The following WDPCP variants were observed in gnomAD, a reference collection of about 807,000 sequenced individuals.
The protein encoded by WDPCP is WD repeat-containing and planar cell polarity effector protein fritz homolog.
Under a neutral mutation model 93.1 loss-of-function variants are expected in WDPCP, and 71 were observed. The ratio of observed to expected loss-of-function variants is 0.76; its 90% CI spans 0.63 to 0.93. The LOEUF (loss-of-function observed/expected upper bound fraction) is 0.93. Ranked by LOEUF, WDPCP falls within the 40% of genes least tolerant of loss-of-function variation. The probability of loss-of-function intolerance (pLI) is 0.00; values close to 1 mark genes in which losing one functional copy is unlikely to be tolerated. For synonymous variants in WDPCP, 315 were observed against 315.0 expected (o/e 1.00, Z 0.00); for missense variants, 844 against 887.4 (o/e 0.95, Z 0.62).
In WDPCP at chr2:63,492,411, C is replaced by T. The variant is rs370177514; in HGVS notation, c.160+445G>A. ...AGAAATGCCTTTACCATTAGCTATCCTGTAAATATTTATGAATATAAATCT... is the reference window on the plus strand; with the variant it reads ...AGAAATGCCTTTACCATTAGCTATCTTGTAAATATTTATGAATATAAATCT... On this transcript the variant is annotated intron_variant, in intron 2 of 17. Transcript: ENST00000272321. Among the ~76,000 whole-genome samples the T allele has an allele frequency of 9.3e-5, 14 of 151,226 alleles. No individual in the cohort carries two copies. The South Asian group carries it at 1.5e-3, about 16-fold the overall frequency.
intron 1 of WDPCP, among the ~76,000 whole-genome samples, chr2:63,552,480 G>A (rs954783972): frequency 1.6e-4 from 24 of 152,150 alleles, no homozygotes; most frequent in Admixed American, 2.0e-4. Context: ...AAAATAGCTA[G>A]ACACTGTCAG....
chr2:63,444,187 T>G (rs1192838279), intron 6 of WDPCP, among the ~76,000 whole-genome samples: 1 of 152,204 alleles, frequency 6.6e-6, no homozygotes, highest in East Asian at 1.9e-4. Context: ...TTTAGCCCTC[T>G]TATTGAACCT....
chr2:63,434,022 A>G (rs1696961470), intron 8 of WDPCP, 86 bp from the exon 9 acceptor site: 1 of 1,393,400 alleles, frequency 7.2e-7, no homozygotes, highest in Non-Finnish European at 1.0e-6. Context: ...AGCATCTGGA[A>G]ATGTAGTTAC....
At chr2:63,804,274 A>T (rs2104050403) in intron 2 of WDPCP, among the ~76,000 whole-genome samples, 1 of 147,396 alleles carries the variant, frequency 6.8e-6, no homozygotes, top group African/African-American at 2.5e-5. Context: ...TTTTTGAGGC[A>T]GAGTCTCGCT....
At chr2:63,649,233 C>G (rs186120949) in intron 3 of WDPCP, among the ~76,000 whole-genome samples, 30 of 152,302 alleles carry the variant, frequency 2.0e-4, no homozygotes, top group African/African-American at 6.3e-4. Flanking sequence ...CCCTAAACTA[C>G]TTTCTGTGTC....
intron 2 of WDPCP, among the ~76,000 whole-genome samples, chr2:63,733,008 A>G (rs1575760653): frequency 6.6e-6 from 1 of 152,182 alleles, no homozygotes; most frequent in Non-Finnish European, 1.5e-5. Context: ...AGTGTCAGCA[A>G]AGACAGCAAA....
chr2:63,259,441 T>G, intron 13 of WDPCP, 32 bp from the exon 14 acceptor site: 2 of 1,560,448 alleles, frequency 1.3e-6, no homozygotes, highest in Non-Finnish European at 1.8e-6. Flanking sequence ...AAAGATTGAT[T>G]CAAAATGAAC....
intron 14 of WDPCP, among the ~76,000 whole-genome samples, chr2:63,223,248 CA>C (rs1337641498): frequency 6.6e-6 from 1 of 152,078 alleles, no homozygotes; most frequent in Non-Finnish European, 1.5e-5. Flanking sequence ...CTAAATTGGG[CA>C]ATGCATTTGC....
chr2:63,699,532 C>G (rs191111858), intron 2 of WDPCP, among the ~76,000 whole-genome samples: 1 of 152,206 alleles, frequency 6.6e-6, no homozygotes, highest in Non-Finnish European at 1.5e-5. Context: ...GAGGCGCTGG[C>G]CTTTGAGCTG....
chr2:63,686,711 A>G (rs1553449904), intron 2 of WDPCP, among the ~76,000 whole-genome samples: 1 of 152,210 alleles, frequency 6.6e-6, no homozygotes, highest in Non-Finnish European at 1.5e-5. Flanking sequence ...TGGTACTCGC[A>G]TAAAAACAAA....
At chr2:63,736,063 T>C (rs964564933) in intron 2 of WDPCP, among the ~76,000 whole-genome samples, 1 of 152,298 alleles carries the variant, frequency 6.6e-6, no homozygotes, top group Non-Finnish European at 1.5e-5. Context: ...TCTAGGCCAG[T>C]TTCCCCACCT....
At chr2:63,562,499 G>A (rs1396214665) in intron 1 of WDPCP, among the ~76,000 whole-genome samples, 1 of 152,110 alleles carries the variant, frequency 6.6e-6, no homozygotes, top group African/African-American at 2.4e-5. Flanking sequence ...TCCTGCATAT[G>A]TATCCTGGAA....
chr2:63,737,016 A>C (rs1669648311), intron 2 of WDPCP, among the ~76,000 whole-genome samples: 1 of 152,158 alleles, frequency 6.6e-6, no homozygotes, highest in Admixed American at 6.5e-5. Context: ...ACAAGCTATA[A>C]ACTACCATTT....
chr2:63,492,300 C>A (rs928435162), intron 2 of WDPCP, among the ~76,000 whole-genome samples: 4 of 148,884 alleles, frequency 2.7e-5, no homozygotes, highest in Admixed American at 2.0e-4. Flanking sequence ...ATATTATTCT[C>A]CCCCCCCAAA....
upstream of WDPCP, chr2:63,588,494 C>T: frequency 3.1e-6 from 2 of 635,300 alleles, no homozygotes; most frequent in Non-Finnish European, 2.8e-6. Context: ...CCCGCCCCTC[C>T]AGAGTGTCAA....
intron 17 of WDPCP, among the ~76,000 whole-genome samples, chr2:63,124,612 G>A (rs1177114342): frequency 1.3e-5 from 2 of 152,138 alleles, no homozygotes; most frequent in African/African-American, 2.4e-5. Context: ...AATACAGTAA[G>A]TGATCATCTC....
chr2:63,414,295 A>G (rs1429146635), intron 9 of WDPCP, among the ~76,000 whole-genome samples: 4 of 152,160 alleles, frequency 2.6e-5, no homozygotes, highest in Admixed American at 2.6e-4. Context: ...TAAAAGTAGA[A>G]CTACCATTTG....
At chr2:63,835,224 C>CA in the WDPCP span, among the ~76,000 whole-genome samples, 1 of 149,802 alleles carries the variant, frequency 6.7e-6, no homozygotes, top group Non-Finnish European at 1.5e-5. Context: ...CTGTCTCTAC[C>CA]AAAAAAAATA....
intron 2 of WDPCP, among the ~76,000 whole-genome samples, chr2:63,758,328 A>G (rs1669998992): frequency 6.6e-6 from 1 of 152,140 alleles, no homozygotes; most frequent in Non-Finnish European, 1.5e-5. Context: ...AGAGAAAAAC[A>G]CTGAAATTAT....
Sources: allele counts gnomAD v4.1 joint callset (sites outside exome capture counted in the v4.1 genomes callset), GRCh38; gene constraint gnomAD v4.1.1; transcripts MANE v1.5; gene names NCBI Gene and HGNC (gene_info 2026-07-23, HGNC 2026-07-21).